Variants in CAPN8 observed in about 807,000 individuals in gnomAD.
CAPN8 encodes calpain 8.
In CAPN8, 87 loss-of-function variants were observed where a neutral mutation model predicts 80.9. The ratio of observed to expected loss-of-function variants is 1.07; its 90% CI spans 0.90 to 1.28. The LOEUF is 1.28. Ranked by LOEUF, CAPN8 falls within the 50% of genes most tolerant of loss-of-function variation. The pLI, the probability that CAPN8 is intolerant of heterozygous loss-of-function variation, is 0.00. For synonymous variants in CAPN8, 299 were observed against 273.8 expected (o/e 1.09, Z -0.91); for missense variants, 757 against 702.0 (o/e 1.08, Z -0.89).
In CAPN8 at chr1:223,620,242, G is replaced by T. The variant is rs970006856; in HGVS notation, c.924C>A (p.Asp308Glu). The change falls in exon 8 of 21, where the codon GAC (aspartate) becomes GAA (glutamate). Residue 308 changes from aspartate to glutamate, a missense_variant. Transcript: ENST00000366872. The stretch of plus-strand genomic sequence containing the variant: ...TGTCCAGTTCTTCCTTCCGCCGGGG[G>T]TCTATGTGATTCCACTCTGGTGCAC... Reference protein sequence around the residue: ...SDDAPEWNHIDPRRKEELDKK... With the variant: ...SDDAPEWNHIEPRRKEELDKK... 1.3e-5 allele frequency: 20 copies of T among 1,551,506 alleles called. No individual in the cohort carries two copies. The East Asian group carries it at 3.2e-4, about 25-fold the overall frequency.
At chr1:223,640,149 C>T (rs368417823) in intron 2 of CAPN8, among the ~76,000 whole-genome samples, 7 of 152,196 alleles carry the variant, frequency 4.6e-5, no homozygotes, top group South Asian at 2.1e-4. Flanking sequence ...TCTGACCTAC[C>T]TCATAAGATA....
intron 14 of CAPN8, among the ~76,000 whole-genome samples, chr1:223,553,255 C>G (rs1454908715): frequency 6.6e-6 from 1 of 152,184 alleles, no homozygotes; most frequent in East Asian, 1.9e-4. Flanking sequence ...GAACGGAAGC[C>G]AGGGCAGGGG....
In CAPN8 at chr1:223,618,328, C is replaced by T. The variant is rs556484237; in HGVS notation, c.1135+965G>A. 7.2e-5 allele frequency: 111 copies of T among 1,549,272 alleles called. 1 individual carries two copies. The Middle Eastern group carries it at 3.6e-3, about 50-fold the overall frequency. ...ATCTTCTGCGAGCCAGGAAAGCTTCCCACCTTGCACCAGGTGAGGACCCAG... is the reference window on the plus strand; with the variant it reads ...ATCTTCTGCGAGCCAGGAAAGCTTCTCACCTTGCACCAGGTGAGGACCCAG... On this transcript the variant is annotated intron_variant, in intron 9 of 20. Coordinates refer to ENST00000366872, the MANE Select transcript of CAPN8 (RefSeq NM_001143962.2).
chr1:223,664,951 G>A (rs886546623), intron 1 of CAPN8, among the ~76,000 whole-genome samples: 5 of 151,300 alleles, frequency 3.3e-5, no homozygotes, highest in Non-Finnish European at 5.9e-5. Flanking sequence ...AAAAAAATAA[G>A]AGTTCAAAAG....
intron 2 of CAPN8, among the ~76,000 whole-genome samples, chr1:223,634,505 C>T (rs147655484): frequency 1.4e-3 from 214 of 152,292 alleles, no homozygotes; most frequent in African/African-American, 4.9e-3. Flanking sequence ...CCAGACTTTA[C>T]AAAGTGAGAA....
chr1:223,545,657 T>C (rs998859786), intron 16 of CAPN8, among the ~76,000 whole-genome samples: 15 of 152,106 alleles, frequency 9.9e-5, no homozygotes, highest in Admixed American at 9.2e-4. Flanking sequence ...ATTCAGCTAA[T>C]TAGAGTTTGT....
intron 2 of CAPN8, among the ~76,000 whole-genome samples, chr1:223,634,259 T>C (rs1657853479): frequency 6.6e-6 from 1 of 152,166 alleles, no homozygotes; most frequent in Admixed American, 6.5e-5. Context: ...TGATGTGTCA[T>C]GTCTGCAGCA....
At chr1:223,655,469 T>C (rs1243400191) in intron 1 of CAPN8, among the ~76,000 whole-genome samples, 6 of 152,168 alleles carry the variant, frequency 3.9e-5, no homozygotes, top group African/African-American at 1.4e-4. Context: ...CAGTACCCTT[T>C]GAACCATGGC....
chr1:223,620,400 G>A, intron 7 of CAPN8, 134 bp from the exon 8 acceptor site: 1 of 751,016 alleles, frequency 1.3e-6, no homozygotes, highest in Non-Finnish European at 2.2e-6. Context: ...CAGAAAGGCA[G>A]AATGGACAGT....
At position 223,557,731 on chromosome 1, in the gene CAPN8, C is replaced by A. The variant is rs898446276; in HGVS notation, c.1572+400G>T. ...GTTTAGATGGGTTTTCTGGTGTGTT[C>A]TTCTCTTCATCTTTCACATATACTT... On this transcript the variant is annotated intron_variant, in intron 13 of 20. Transcript: ENST00000366872. Among the ~76,000 whole-genome samples, 16 of 152,306 alleles carry A rather than the reference C, an allele frequency of 1.1e-4. No homozygotes were observed. The Middle Eastern group carries it at 0.01, about 97-fold the overall frequency.
At chr1:223,630,892 C>A (rs1019535921) in intron 2 of CAPN8, among the ~76,000 whole-genome samples, 9 of 152,146 alleles carry the variant, frequency 5.9e-5, no homozygotes, top group African/African-American at 2.2e-4. Flanking sequence ...AGCAAAATAA[C>A]ACAGTGTCCT....
At chr1:223,614,595 G>A (rs1236483811) in intron 10 of CAPN8, among the ~76,000 whole-genome samples, 2 of 152,142 alleles carry the variant, frequency 1.3e-5, no homozygotes, top group Non-Finnish European at 2.9e-5. Flanking sequence ...CCTCGATGAA[G>A]CTGAGGTGAA....
At chr1:223,639,100 C>T (rs567911886) in intron 2 of CAPN8, among the ~76,000 whole-genome samples, 3 of 152,170 alleles carry the variant, frequency 2.0e-5, no homozygotes, top group East Asian at 1.9e-4. Flanking sequence ...ATTAGCTGGA[C>T]GTGGTGGCCC....
chr1:223,618,193 C>T, intron 9 of CAPN8: 3 of 1,546,456 alleles, frequency 1.9e-6, no homozygotes, highest in South Asian at 1.2e-5. Flanking sequence ...GCAGGATTTG[C>T]TTTTCTTCAT....
intron 14 of CAPN8, among the ~76,000 whole-genome samples, chr1:223,551,400 C>A (rs1656783974): frequency 6.6e-6 from 1 of 152,158 alleles, no homozygotes; most frequent in Non-Finnish European, 1.5e-5. Context: ...CTCAGCCTCC[C>A]AGAGTGCTAG....
intron 1 of CAPN8, among the ~76,000 whole-genome samples, chr1:223,658,741 G>A (rs1658561945): frequency 6.6e-6 from 1 of 152,200 alleles, no homozygotes; most frequent in Non-Finnish European, 1.5e-5. Flanking sequence ...AGGAGGCGGA[G>A]GTTGCAGTGA....
At chr1:223,544,983 GAA>G in intron 17 of CAPN8, 133 bp from the exon 18 acceptor site, 1 of 1,483,216 alleles carries the variant, frequency 6.7e-7, no homozygotes, top group African/African-American at 1.4e-5. Flanking sequence ...CTCCTCCCAA[GAA>G]GGTTTCAGAG....
At chr1:223,628,516 A>T in intron 3 of CAPN8, 146 bp downstream of exon 3, 1 of 649,294 alleles carries the variant, frequency 1.5e-6, no homozygotes, top group South Asian at 1.9e-5. Context: ...AGGTTCTCAG[A>T]CTGAAGTGTG....
At chr1:223,545,431 G>T in intron 16 of CAPN8, 132 bp from the exon 17 acceptor site, 1 of 1,378,940 alleles carries the variant, frequency 7.3e-7, no homozygotes, top group Non-Finnish European at 9.8e-7. Context: ...CAGAGCAGTG[G>T]GGGTGACGGT....
Sources: gnomAD v4.1 joint callset for allele counts (sites outside exome capture counted in the v4.1 genomes callset) on GRCh38, gnomAD v4.1.1 for gene constraint, MANE v1.5 for transcripts, NCBI Gene and HGNC (gene_info 2026-07-23, HGNC 2026-07-21) for gene names.